Variants in CDKL5 observed in about 807,000 individuals in gnomAD.
The protein encoded by CDKL5 is cyclin-dependent kinase-like 5.
In CDKL5, 8 loss-of-function variants were observed where a neutral mutation model predicts 61.7. That is an observed-to-expected ratio of 0.13 (90% confidence interval 0.08 to 0.23). The LOEUF is 0.23. Among genes scored for constraint, CDKL5 ranks in the 10% least tolerant of loss-of-function variants. The pLI is 1.00. For missense variants in CDKL5, 440 were observed against 734.5 expected, an observed-to-expected ratio of 0.60 and a Z score of 4.63; for synonymous variants, 275 against 272.3, an observed-to-expected ratio of 1.01 and a Z score of -0.10.
At position 18,633,858 on chromosome X, in the gene CDKL5, C is replaced by G; in HGVS notation, c.*5101C>G. On this transcript the variant is annotated 3_prime_UTR_variant, in exon 18 of 18. Coordinates refer to ENST00000623535, the MANE Select transcript of CDKL5 (RefSeq NM_001323289.2). ...TCTCCTCTCCGGGCACTGACCCCAC[C>G]TTTCCGTGTATTTACTGTAGGCTAT... is the stretch of plus-strand genomic sequence containing the variant. 1 of 754,046 alleles carries G rather than the reference C, an allele frequency of 1.3e-6. No individual in the cohort carries two copies. 62.1% of individuals were successfully genotyped at this position (754,046 alleles called of 1,213,427 possible).
intron 9 of CDKL5, among the ~76,000 whole-genome samples, chrX:18,593,545 G>T (rs760219932): frequency 1.8e-5 from 2 of 111,391 alleles, no homozygotes; most frequent in Non-Finnish European, 3.8e-5. Flanking sequence ...ACATCGAAGG[G>T]AGCCTCTGTA....
rs1368036768 is a variant in CDKL5, at chrX:18,520,794, C to T, written c.99+9940C>T. Among the ~76,000 whole-genome samples, 4 of 111,996 alleles carry T rather than the reference C, an allele frequency of 3.6e-5. No homozygotes were observed. The East Asian group carries it at 1.1e-3, about 31-fold the overall frequency. On this transcript the variant is annotated intron_variant, in intron 3 of 17. Coordinates refer to ENST00000623535, the MANE Select transcript of CDKL5 (RefSeq NM_001323289.2). ...ACAAAGTCTCACTCTGTCGCCCAGG[C>T]TGGAGTGCAGTGTCTCCCTGCAACC...
chrX:18,574,162 A>G (rs1019510842), intron 4 of CDKL5, among the ~76,000 whole-genome samples: 4 of 111,911 alleles, frequency 3.6e-5, no homozygotes, highest in Non-Finnish European at 7.5e-5. Flanking sequence ...GCCCTTACCC[A>G]AAAGCTTGTG....
At chrX:18,478,271 TG>T (rs1422429602) in intron 1 of CDKL5, among the ~76,000 whole-genome samples, 1 of 101,004 alleles carries the variant, frequency 9.9e-6, no homozygotes. Flanking sequence ...CTCCATCGTT[TG>T]TTTCTTTTCT....
At chrX:18,543,310 T>A (rs1390790930) in intron 3 of CDKL5, among the ~76,000 whole-genome samples, 1 of 110,165 alleles carries the variant, frequency 9.1e-6, no homozygotes, top group Non-Finnish European at 1.9e-5. Flanking sequence ...ATTTTTTTTT[T>A]ATTTGTCTAT....
chrX:18,442,055 G>A (rs776992332), intron 1 of CDKL5: 1 of 111,511 alleles, frequency 9.0e-6, no homozygotes, highest in East Asian at 2.8e-4. Flanking sequence ...AAGGGTAGAA[G>A]TAACCATTGT....
At chrX:18,484,190 A>G (rs1463097521) in intron 1 of CDKL5, among the ~76,000 whole-genome samples, 1 of 112,568 alleles carries the variant, frequency 8.9e-6, no homozygotes, top group African/African-American at 3.2e-5. Context: ...TGCACTTTAC[A>G]TGTCATTTGC....
At chrX:18,608,997 C>T (rs969845898) in intron 13 of CDKL5, 85 bp downstream of exon 13, 13 of 658,024 alleles carry the variant, frequency 2.0e-5, no homozygotes, top group Admixed American at 1.5e-4. Flanking sequence ...CCCAGTCTCC[C>T]ACAAATAAGT....
rs1426681408 is a variant in CDKL5, at chrX:18,635,452, G to A, written c.*6695G>A. ...CACTGTGGTCCTTCGTGTTTGAACT[G>A]CGAACAGCTCCATTTTAGTTCCTTC... On this transcript the variant is annotated 3_prime_UTR_variant, in exon 18 of 18. Transcript: ENST00000623535. 8.0e-6 allele frequency: 6 copies of A among 752,420 alleles called. No homozygotes were observed. The highest frequency in any genetic ancestry group is 9.4e-6 in the Non-Finnish European group (6 of 638,969). 62.0% of individuals were successfully genotyped at this position (752,420 alleles called of 1,213,427 possible).
chrX:18,545,949 C>T (rs748586920), intron 3 of CDKL5, among the ~76,000 whole-genome samples: 1 of 111,623 alleles, frequency 9.0e-6, no homozygotes, highest in African/African-American at 3.3e-5. Flanking sequence ...TTAGAACTTC[C>T]GATTAGTTCA....
At chrX:18,647,162 A>G in intron 20 of CDKL5, 5 of 1,208,099 alleles carry the variant, frequency 4.1e-6, no homozygotes, top group Non-Finnish European at 5.6e-6. Flanking sequence ...TTAAAAGCAC[A>G]TGAAAAAAAA....
chrX:18,648,517 A>G (rs1287823128), intron 20 of CDKL5, among the ~76,000 whole-genome samples: 1 of 111,059 alleles, frequency 9.0e-6, no homozygotes, highest in Non-Finnish European at 1.9e-5. Context: ...ACTAGGGATT[A>G]CAGGTGTGAG....
At chrX:18,575,169 C>T (rs1406730110) in intron 4 of CDKL5, among the ~76,000 whole-genome samples, 185 bp from the exon 5 acceptor site, 2 of 111,951 alleles carry the variant, frequency 1.8e-5, no homozygotes, top group African/African-American at 3.2e-5. Flanking sequence ...ACCCTTTCTT[C>T]GATTTTCTTA....
chrX:18,468,698 G>A (rs1920986488), intron 1 of CDKL5, among the ~76,000 whole-genome samples: 1 of 111,655 alleles, frequency 9.0e-6, no homozygotes, highest in African/African-American at 3.3e-5. Context: ...TCTTTTATTA[G>A]CATGAATATC....
At chrX:18,426,462 T>C (rs1187876735) in intron 1 of CDKL5, 1 of 112,446 alleles carries the variant, frequency 8.9e-6, no homozygotes, top group Non-Finnish European at 1.9e-5. Context: ...CTGAACATAT[T>C]TCAGTGTAAA....
intron 1 of CDKL5, among the ~76,000 whole-genome samples, chrX:18,492,986 T>G (rs1451812372): frequency 8.9e-6 from 1 of 111,814 alleles, no homozygotes; most frequent in East Asian, 2.8e-4. Flanking sequence ...CAGCCTCACC[T>G]TGTACTATGT....
At chrX:18,543,472 G>A (rs1271498230) in intron 3 of CDKL5, among the ~76,000 whole-genome samples, 1 of 110,073 alleles carries the variant, frequency 9.1e-6, no homozygotes, top group African/African-American at 3.3e-5. Flanking sequence ...TTTGTGTCAC[G>A]GTCAAGGATT....
At chrX:18,485,302 C>A (rs1921751930) in intron 1 of CDKL5, among the ~76,000 whole-genome samples, 1 of 110,964 alleles carries the variant, frequency 9.0e-6, no homozygotes, top group Non-Finnish European at 1.9e-5. Context: ...GTTTAAATTT[C>A]ATCATTTTGT....
chrX:18,526,043 G>T (rs961164763), intron 3 of CDKL5, among the ~76,000 whole-genome samples: 2 of 112,010 alleles, frequency 1.8e-5, no homozygotes, highest in Non-Finnish European at 3.8e-5. Flanking sequence ...CACCGCACCC[G>T]GCCAACAATA....
Sources: gnomAD v4.1 joint callset for allele counts (sites outside exome capture counted in the v4.1 genomes callset) on GRCh38, gnomAD v4.1.1 for gene constraint, MANE v1.5 for transcripts, NCBI Gene and HGNC (gene_info 2026-07-23, HGNC 2026-07-21) for gene names.